IGSF21: variants seen among roughly 807,000 people sequenced by gnomAD.
The protein encoded by IGSF21 is immunoglobin superfamily member 21.
A neutral mutation model predicts 46.8 loss-of-function variants in IGSF21; 28 were observed. The ratio of observed to expected loss-of-function variants is 0.60; its 90% CI spans 0.44 to 0.82. IGSF21 has a LOEUF of 0.82. Among genes scored for constraint, IGSF21 ranks in the 40% least tolerant of loss-of-function variants. IGSF21 has a pLI of 0.00. For missense variants in IGSF21, 624 were observed against 665.5 expected, an observed-to-expected ratio of 0.94 and a Z score of 0.69; for synonymous variants, 284 against 273.6, an observed-to-expected ratio of 1.04 and a Z score of -0.38.
intron 2 of IGSF21, among the ~76,000 whole-genome samples, chr1:18,236,743 C>T (rs955709904): frequency 3.3e-5 from 5 of 151,944 alleles, no homozygotes; most frequent in African/African-American, 1.2e-4. Flanking sequence ...GTGGAGTGTC[C>T]TGGATTCCAA....
At chr1:18,207,826 A>G (rs2084346471) in intron 1 of IGSF21, among the ~76,000 whole-genome samples, 1 of 152,126 alleles carries the variant, frequency 6.6e-6, no homozygotes, top group Non-Finnish European at 1.5e-5. Context: ...TGGCTCAGAA[A>G]CTAGCAGGTG....
At chr1:18,219,297 G>A (rs1444925363) in intron 1 of IGSF21, among the ~76,000 whole-genome samples, 1 of 152,208 alleles carries the variant, frequency 6.6e-6, no homozygotes, top group Admixed American at 6.5e-5. Context: ...GGTATCTAGG[G>A]AAAGATTGTT....
chr1:18,134,196 G>GC (rs1298052257), intron 1 of IGSF21, among the ~76,000 whole-genome samples: 3 of 152,086 alleles, frequency 2.0e-5, no homozygotes, highest in Non-Finnish European at 2.9e-5. Context: ...ATCTTCTGTG[G>GC]CCCCCCTTAA....
intron 4 of IGSF21, among the ~76,000 whole-genome samples, chr1:18,342,682 ACAATATGTGGTC>A (rs1272939250): frequency 1.3e-5 from 2 of 152,196 alleles, no homozygotes; most frequent in Non-Finnish European, 2.9e-5. Flanking sequence ...ATGAGATTAT[ACAATATGTGGTC>A]TTTTGTGGCT....
chr1:18,213,447 C>A (rs1476915206), intron 1 of IGSF21, among the ~76,000 whole-genome samples: 2 of 152,144 alleles, frequency 1.3e-5, no homozygotes, highest in African/African-American at 2.4e-5. Flanking sequence ...ATCTTATGAT[C>A]CACCCTCTGC....
intron 4 of IGSF21, among the ~76,000 whole-genome samples, chr1:18,359,385 AGGAAG>A (rs2086065573): frequency 4.4e-5 from 3 of 68,462 alleles, no homozygotes; most frequent in African/African-American, 1.8e-4. Context: ...AAAGAAAGAA[AGGAAG>A]GAAGGAAGGA....
chr1:18,148,385 G>A (rs2086490306), intron 1 of IGSF21, among the ~76,000 whole-genome samples: 1 of 152,136 alleles, frequency 6.6e-6, no homozygotes, highest in Non-Finnish European at 1.5e-5. Context: ...GCCCGCCTCG[G>A]CCTCCCAAAG....
At chr1:18,151,865 C>G (rs2086524767) in intron 1 of IGSF21, among the ~76,000 whole-genome samples, 1 of 152,170 alleles carries the variant, frequency 6.6e-6, no homozygotes. Context: ...TATAATTCAT[C>G]TTCCAAATGG....
At chr1:18,166,392 A>T (rs1391307153) in intron 1 of IGSF21, among the ~76,000 whole-genome samples, 2 of 152,066 alleles carry the variant, frequency 1.3e-5, no homozygotes, top group African/African-American at 4.8e-5. Context: ...TGGGCTTTGG[A>T]GTCACTTTGA....
intron 1 of IGSF21, among the ~76,000 whole-genome samples, chr1:18,146,724 T>A (rs1325672036): frequency 6.6e-6 from 1 of 152,128 alleles, no homozygotes; most frequent in South Asian, 2.1e-4. Flanking sequence ...CCAGAATCAG[T>A]TCTGACGTGC....
intron 1 of IGSF21, among the ~76,000 whole-genome samples, chr1:18,142,175 C>T (rs902631495): frequency 2.0e-5 from 3 of 152,138 alleles, no homozygotes; most frequent in South Asian, 2.1e-4. Flanking sequence ...GAAACAAGCA[C>T]GTGCTTCTCT....
intron 1 of IGSF21, among the ~76,000 whole-genome samples, chr1:18,136,635 T>C (rs570000764): frequency 6.6e-6 from 1 of 152,350 alleles, no homozygotes; most frequent in East Asian, 1.9e-4. Context: ...TTGGTACCAG[T>C]ACCATGCTGT....
chr1:18,195,703 G>A (rs944892163), intron 1 of IGSF21, among the ~76,000 whole-genome samples: 3 of 152,158 alleles, frequency 2.0e-5, no homozygotes, highest in Non-Finnish European at 4.4e-5. Flanking sequence ...CACAGGCAGC[G>A]GCACACAACA....
At chr1:18,261,855 G>T (rs2084949773) in intron 2 of IGSF21, among the ~76,000 whole-genome samples, 1 of 152,232 alleles carries the variant, frequency 6.6e-6, no homozygotes, top group African/African-American at 2.4e-5. Flanking sequence ...ATGTATTTTG[G>T]AGGTGACGTC....
intron 2 of IGSF21, among the ~76,000 whole-genome samples, chr1:18,280,039 G>C (rs41388954): frequency 0.023 from 3,540 of 152,318 alleles, 294 homozygotes; most frequent in Admixed American, 0.16. Context: ...TCTGTCCCAT[G>C]ATGAGCCCTT....
intron 1 of IGSF21, among the ~76,000 whole-genome samples, chr1:18,184,354 G>A (rs1353180815): frequency 1.3e-5 from 2 of 151,782 alleles, no homozygotes; most frequent in East Asian, 3.9e-4. Flanking sequence ...CCCTCCCCAG[G>A]GCCTCCACTC....
chr1:18,238,239 G>A (rs1295977514), intron 2 of IGSF21, among the ~76,000 whole-genome samples: 1 of 152,198 alleles, frequency 6.6e-6, no homozygotes, highest in East Asian at 1.9e-4. Context: ...ACCAGACCCT[G>A]TAGCTGCGAG....
intron 1 of IGSF21, among the ~76,000 whole-genome samples, chr1:18,180,921 T>C (rs2086850950): frequency 6.6e-6 from 1 of 152,162 alleles, no homozygotes. Flanking sequence ...AGAAAGACAT[T>C]GGAGTTGGGG....
chr1:18,248,331 C>T (rs1169317976), intron 2 of IGSF21, among the ~76,000 whole-genome samples: 1 of 152,216 alleles, frequency 6.6e-6, no homozygotes, highest in Non-Finnish European at 1.5e-5. Context: ...CTGTACATCT[C>T]AAAACTTTGC....
Sources: gnomAD v4.1 joint callset for allele counts (sites outside exome capture counted in the v4.1 genomes callset) on GRCh38, gnomAD v4.1.1 for gene constraint, MANE v1.5 for transcripts, NCBI Gene and HGNC (gene_info 2026-07-23, HGNC 2026-07-21) for gene names.